OSBP2: variants seen among roughly 807,000 people sequenced by gnomAD.
OSBP2 encodes the protein oxysterol-binding protein 2.
OSBP2 carries 66 observed loss-of-function variants against 96.0 expected under a neutral mutation model. That is an observed-to-expected ratio of 0.69 (90% CI 0.56 to 0.84). The LOEUF (loss-of-function observed/expected upper bound fraction) is 0.84, where lower values mean the gene tolerates loss of function less well. OSBP2 is among the 40% of genes least tolerant of loss of function. The probability of loss-of-function intolerance (pLI) is 0.00; values close to 1 mark genes in which losing one functional copy is unlikely to be tolerated. For missense variants in OSBP2, 1,038 were observed against 1,222.7 expected, an observed-to-expected ratio of 0.85 and a Z score of 2.25; for synonymous variants, 525 against 520.9, an observed-to-expected ratio of 1.01 and a Z score of -0.11.
intron 2 of OSBP2, among the ~76,000 whole-genome samples, chr22:30,802,575 G>A (rs1277038677): frequency 6.6e-6 from 1 of 152,210 alleles, no homozygotes; most frequent in African/African-American, 2.4e-5. Context: ...GCCACGCTCG[G>A]GCATTTTAAG....
At chr22:30,901,456 T>C (rs953010454) in intron 12 of OSBP2, among the ~76,000 whole-genome samples, 2 of 152,156 alleles carry the variant, frequency 1.3e-5, no homozygotes, top group Non-Finnish European at 1.5e-5. Context: ...AGAAAAAACA[T>C]ATATGGCCAG....
chr22:30,752,288 CTTTTTTTTTTTTTTT>C (rs10691256), intron 2 of OSBP2, among the ~76,000 whole-genome samples: 1 of 48,654 alleles, frequency 2.1e-5, no homozygotes, highest in African/African-American at 8.6e-5. Context: ...CTTTGCTTTG[CTTTTTTTTTTTTTTT>C]TTTTTTTTTT....
chr22:30,727,479 A>G (rs1366237280), intron 1 of OSBP2, among the ~76,000 whole-genome samples: 1 of 152,116 alleles, frequency 6.6e-6, no homozygotes, highest in African/African-American at 2.4e-5. Context: ...AAGGCAGGAA[A>G]ATATAGCTCT....
At chr22:30,768,051 G>T (rs1375314179) in intron 2 of OSBP2, among the ~76,000 whole-genome samples, 3 of 152,156 alleles carry the variant, frequency 2.0e-5, no homozygotes, top group Non-Finnish European at 4.4e-5. Flanking sequence ...AGATGGCTGC[G>T]GCTTACCCCT....
At chr22:30,794,150 C>T (rs1212307120) in intron 2 of OSBP2, among the ~76,000 whole-genome samples, 1 of 151,584 alleles carries the variant, frequency 6.6e-6, no homozygotes, top group Admixed American at 6.6e-5. Context: ...TCACTTGAGC[C>T]CAGGAGTTCA....
chr22:30,730,729 T>TCC, intron 1 of OSBP2, among the ~76,000 whole-genome samples: 2 of 22,196 alleles, frequency 9.0e-5, no homozygotes, highest in African/African-American at 3.2e-4. Context: ...TCTCTCTCTC[T>TCC]CTCTCTCTCT....
At chr22:30,863,562 G>A (rs2039269794) in intron 2 of OSBP2, among the ~76,000 whole-genome samples, 1 of 152,184 alleles carries the variant, frequency 6.6e-6, no homozygotes, top group Non-Finnish European at 1.5e-5. Flanking sequence ...GGGGTCTGGA[G>A]CCTTGTGATG....
Position 30,764,507 on chromosome 22 carries a change from C to T in OSBP2, c.853+23138C>T, listed in dbSNP as rs566745767. 99 of 562,796 alleles carry T rather than the reference C, an allele frequency of 1.8e-4. No homozygotes were observed. The African/African-American group carries it at 1.9e-3, about 11-fold the overall frequency. The allele number at this position is 562,796 out of a possible 1,614,324, so 34.9% of individuals were successfully genotyped here. ...GCTCTGTAAACAGCTCTCGGGAACC[C>T]TGCTGCCTGTGTGCCTGGGGATGCA... On this transcript the variant is annotated intron_variant, in intron 2 of 13. Transcript: ENST00000332585.
chr22:30,833,130 A>G (rs990055573), intron 2 of OSBP2, among the ~76,000 whole-genome samples: 2 of 152,222 alleles, frequency 1.3e-5, no homozygotes, highest in African/African-American at 4.8e-5. Context: ...TCACTGTCAG[A>G]TGGGGTCTTA....
intron 2 of OSBP2, among the ~76,000 whole-genome samples, chr22:30,866,271 C>G (rs367669611): frequency 3.3e-5 from 5 of 152,180 alleles, no homozygotes; most frequent in Admixed American, 6.5e-5. Context: ...GTAGAAGATG[C>G]CTCTTTGCTG....
intron 2 of OSBP2, among the ~76,000 whole-genome samples, chr22:30,762,276 G>A (rs921828283): frequency 3.3e-5 from 5 of 150,454 alleles, no homozygotes; most frequent in East Asian, 2.0e-4. Context: ...TGGGCCGGGC[G>A]CGGTGGCTCA....
intron 1 of OSBP2, among the ~76,000 whole-genome samples, chr22:30,735,681 A>G (rs989384558): frequency 1.3e-5 from 2 of 151,628 alleles, no homozygotes; most frequent in African/African-American, 4.8e-5. Context: ...AATACTTTTC[A>G]TATTATTATG....
chr22:30,871,537 C>T lies in OSBP2; in HGVS notation c.1107+855C>T, dbSNP rs1401610881. 6.6e-6 allele frequency among the ~76,000 whole-genome samples: 1 copy of T among 152,160 alleles called. No individual in the cohort carries two copies. The highest frequency in any genetic ancestry group is 2.4e-5 in the African/African-American group (1 of 41,444). On this transcript the variant is annotated intron_variant, in intron 3 of 13. Transcript: ENST00000332585. The surrounding 1 kb of genome is among the most constrained non-coding windows in gnomAD (Gnocchi z 4.7). The stretch of plus-strand genomic sequence containing the variant: ...CCTGCTGGGAGTAAGGAGACCAGAG[C>T]AGAGGAGCTGTACAGAAATGGAGGC...
intron 3 of OSBP2, among the ~76,000 whole-genome samples, chr22:30,882,167 T>TG (rs1436179759): frequency 1.3e-5 from 2 of 152,174 alleles, no homozygotes; most frequent in African/African-American, 4.8e-5. Flanking sequence ...CTAAGGGTGC[T>TG]GGGAGGCCAC....
At position 30,761,306 on chromosome 22, in the gene OSBP2, A is replaced by AGG. The variant is rs1464629960; in HGVS notation, c.853+19938_853+19939insGG. ...AAGGCCAGTCATATTTCTGTGTATT[A>AGG]GCAATGAACAATTGGTAACAAAAAA... On this transcript the variant is annotated intron_variant, in intron 2 of 13. Coordinates refer to ENST00000332585, the MANE Select transcript of OSBP2 (RefSeq NM_030758.4). 1.3e-3 allele frequency among the ~76,000 whole-genome samples: 202 copies of AGG among 152,368 alleles called. 1 individual carries two copies. The highest frequency in any genetic ancestry group is 4.7e-3 in the African/African-American group (197 of 41,592).
intron 2 of OSBP2, among the ~76,000 whole-genome samples, chr22:30,762,217 A>C (rs1210902027): frequency 2.0e-5 from 3 of 150,282 alleles, no homozygotes; most frequent in Non-Finnish European, 4.4e-5. Context: ...GTGAGACTCC[A>C]TCTCAAAAAA....
chr22:30,714,650 A>G (rs1317676759), intron 1 of OSBP2, among the ~76,000 whole-genome samples: 1 of 151,680 alleles, frequency 6.6e-6, no homozygotes, highest in Non-Finnish European at 1.5e-5. Flanking sequence ...ACGGAGTTTC[A>G]CTCTTGCCCA....
At chr22:30,845,291 C>T (rs1391374659) in intron 2 of OSBP2, among the ~76,000 whole-genome samples, 2 of 152,006 alleles carry the variant, frequency 1.3e-5, no homozygotes, top group Non-Finnish European at 2.9e-5. Context: ...CTTAGCCAGG[C>T]GTGGTGGTAG....
chr22:30,800,830 C>T (rs919346537), intron 2 of OSBP2, among the ~76,000 whole-genome samples: 6 of 152,116 alleles, frequency 3.9e-5, no homozygotes, highest in Non-Finnish European at 7.3e-5. Flanking sequence ...GTGTTGGTTC[C>T]AAACCCTGAA....
Sources: allele counts gnomAD v4.1 joint callset (sites outside exome capture counted in the v4.1 genomes callset), GRCh38; gene constraint gnomAD v4.1.1; non-coding constraint Gnocchi (gnomAD v3.1); transcripts MANE v1.5; gene names NCBI Gene and HGNC (gene_info 2026-07-23, HGNC 2026-07-21).